UTP25: variants seen among roughly 807,000 people sequenced by gnomAD.
UTP25 encodes U3 small nucleolar RNA-associated protein 25 homolog.
In UTP25, 50 loss-of-function variants were observed where a neutral mutation model predicts 78.9. The observed-to-expected ratio is 0.63, with a 90% CI of 0.50 to 0.80. The LOEUF is 0.80. UTP25 is among the 30% of genes least tolerant of loss of function. The probability of loss-of-function intolerance (pLI) is 0.00; values close to 1 mark genes in which losing one functional copy is unlikely to be tolerated. For synonymous variants in UTP25, 329 were observed against 336.5 expected, an observed-to-expected ratio of 0.98 and a Z score of 0.24; for missense variants, 846 against 911.3, an observed-to-expected ratio of 0.93 and a Z score of 0.92.
chr1:209,851,175 A>C (rs747141793), intron 11 of UTP25, 29 bp from the exon 12 acceptor site: 4 of 1,596,314 alleles, frequency 2.5e-6, no homozygotes, highest in Non-Finnish European at 3.4e-6. Flanking sequence ...TCTCAAGTTG[A>C]CATAGCTCTT....
chr1:209,832,838 G>A (rs574752918), intron 3 of UTP25, among the ~76,000 whole-genome samples: 21 of 152,232 alleles, frequency 1.4e-4, no homozygotes, highest in African/African-American at 4.8e-4. Context: ...GAGCCAAGAT[G>A]ACACCACTGC....
intron 2 of UTP25, 88 bp downstream of exon 2, chr1:209,830,235 A>G: frequency 3.4e-6 from 4 of 1,175,830 alleles, no homozygotes; most frequent in Non-Finnish European, 3.6e-6. Flanking sequence ...TTACATTTCT[A>G]TTCCTTTTGA....
chr1:209,840,711 T>A (rs2078161874), intron 7 of UTP25, 142 bp from the exon 8 acceptor site: 1 of 740,106 alleles, frequency 1.4e-6, no homozygotes, highest in African/African-American at 1.8e-5. Context: ...TTTTAATAAT[T>A]AAAGCAGTTG....
chr1:209,833,547 T>C (rs542307507), intron 4 of UTP25, among the ~76,000 whole-genome samples, 189 bp downstream of exon 4: 1 of 152,132 alleles, frequency 6.6e-6, no homozygotes, highest in Non-Finnish European at 1.5e-5. Flanking sequence ...GACGGGACAT[T>C]TAGGAGAACA....
rs768595749 is a variant in UTP25, at chr1:209,835,173, G to C, written c.651+10G>C. On this transcript the variant is annotated intron_variant, in intron 5 of 11. Transcript: ENST00000491415. ...TACCCACGAGCTTAAAGTAAGTGTTGCTTGGTCATCCCGGTCACAAATAGA... is the reference window on the plus strand; with the variant it reads ...TACCCACGAGCTTAAAGTAAGTGTTCCTTGGTCATCCCGGTCACAAATAGA... The C allele has an allele frequency of 1.2e-6, 2 of 1,611,444 alleles. No individual in the cohort carries two copies. The highest frequency in any genetic ancestry group is 2.2e-5 in the South Asian group (2 of 90,968).
In UTP25 at chr1:209,840,921, T is replaced by TC. The variant is rs769364542; in HGVS notation, c.1357dup (p.Leu453ProfsTer18). On this transcript the variant is annotated frameshift_variant, in exon 8 of 12. Transcript: ENST00000491415. LOFTEE classifies it high-confidence loss of function. ...TTACTCCTCGGATATCCTCATTGCT[T>TC]CCCCCCTGGGCTTGAGGACCATCAT... 6.2e-6 allele frequency: 10 copies of TC among 1,613,778 alleles called. No individual in the cohort carries two copies. Among genetic ancestry groups the TC allele is most frequent in the Non-Finnish European group, 7.6e-6 (9 of 1,179,938 alleles).
rs1475503499 is a variant in UTP25 at position 209,854,363 on chromosome 1, G to C, written c.*2916G>C. The C allele has an allele frequency of 1.3e-5, 2 of 152,200 alleles. No homozygotes were observed. The highest frequency in any genetic ancestry group is 4.8e-5 in the African/African-American group (2 of 41,444). 9.4% of individuals were successfully genotyped at this position (152,200 alleles called of 1,614,324 possible). A position where few individuals can be genotyped will look rare whatever the true frequency, so the allele number is the denominator to read the frequency against. ...CTTTGAATCGTGGATGCTTCTCACA[G>C]CTGGCTGCACCACGTGCAGTGTTCA... is the stretch of plus-strand genomic sequence containing the variant. On this transcript the variant is annotated 3_prime_UTR_variant, in exon 12 of 12. Coordinates refer to ENST00000491415, the MANE Select transcript of UTP25 (RefSeq NM_014388.7).
chr1:209,852,905 C>T lies in UTP25; in HGVS notation c.*1458C>T, dbSNP rs2078249433. The stretch of plus-strand genomic sequence containing the variant: ...ACCAGTACCTCCAATTCTAGTCCAA[C>T]AACACAGGATTGCTTCTCATTTTCT... On this transcript the variant is annotated 3_prime_UTR_variant, in exon 12 of 12. Transcript: ENST00000491415. 1 of 152,208 alleles carries T rather than the reference C, an allele frequency of 6.6e-6. No homozygotes were observed. The highest frequency in any genetic ancestry group is 2.1e-4 in the South Asian group (1 of 4,828). The allele number at this position is 152,208 out of a possible 1,614,324, so 9.4% of individuals were successfully genotyped here.
At chr1:209,832,047 A>C (rs1402290612) in intron 3 of UTP25, among the ~76,000 whole-genome samples, 1 of 151,244 alleles carries the variant, frequency 6.6e-6, no homozygotes, top group African/African-American at 2.4e-5. Context: ...TTAACTGATC[A>C]GTTTTACTGA....
chr1:209,838,750 T>C, intron 6 of UTP25, 159 bp from the exon 7 acceptor site: 2 of 772,986 alleles, frequency 2.6e-6, no homozygotes, highest in South Asian at 3.2e-5. Flanking sequence ...TTTCTGGTGT[T>C]GAGCCAAGCC....
In UTP25 at chr1:209,851,834, T is replaced by G. The variant is rs532944977; in HGVS notation, c.*387T>G. The G allele has an allele frequency of 1.2e-5, 2 of 163,906 alleles. No homozygotes were observed. Among genetic ancestry groups the G allele is most frequent in the East Asian group, 1.8e-4 (1 of 5,612 alleles). 10.2% of individuals were successfully genotyped at this position (163,906 alleles called of 1,614,324 possible). A position where few individuals can be genotyped will look rare whatever the true frequency, so the allele number is the denominator to read the frequency against. ...CTTCCTTAAAGTAAGGAATACACAT[T>G]GCTTGCGAGAACTGGTTATGAGACA... On this transcript the variant is annotated 3_prime_UTR_variant, in exon 12 of 12. Transcript: ENST00000491415.
intron 10 of UTP25, 126 bp from the exon 11 acceptor site, chr1:209,843,325 A>G: frequency 8.7e-7 from 1 of 1,149,560 alleles, no homozygotes; most frequent in Non-Finnish European, 1.2e-6. Flanking sequence ...GAGGAGGTAA[A>G]TCATATTGGC....
rs1238988883 is a variant in UTP25 at position 209,855,210 on chromosome 1, G to A, written c.*3763G>A. ...CCTCCTATGCCACGTGCTCTCACCAGAACTGCAGCAAAACTGCATTTTATG... is the reference window on the plus strand; with the variant it reads ...CCTCCTATGCCACGTGCTCTCACCAAAACTGCAGCAAAACTGCATTTTATG... On this transcript the variant is annotated 3_prime_UTR_variant, in exon 12 of 12. Coordinates refer to ENST00000491415, the MANE Select transcript of UTP25 (RefSeq NM_014388.7). The A allele has an allele frequency of 1.3e-5, 2 of 152,186 alleles. No homozygotes were observed. The highest frequency in any genetic ancestry group is 3.9e-4 in the East Asian group (2 of 5,188). 9.4% of individuals were successfully genotyped at this position (152,186 alleles called of 1,614,324 possible). A position where few individuals can be genotyped will look rare whatever the true frequency, so the allele number is the denominator to read the frequency against.
intron 8 of UTP25, among the ~76,000 whole-genome samples, chr1:209,841,327 A>G (rs189988565): frequency 2.0e-5 from 3 of 152,294 alleles, no homozygotes; most frequent in East Asian, 1.9e-4. Context: ...ATTTCTTTCT[A>G]CTAACTTTAG....
rs1484933763 is a variant in UTP25 at position 209,830,806 on chromosome 1, G to A, written c.151G>A (p.Glu51Lys). The A allele has an allele frequency of 6.2e-7, 1 of 1,613,024 alleles. No homozygotes were observed. Among genetic ancestry groups the A allele is most frequent in the East Asian group, 2.2e-5 (1 of 44,872 alleles). Residue 51 changes from glutamate (E) to lysine (K), a missense_variant, in exon 3 of 12, where the codon GAG becomes AAG. Coordinates refer to ENST00000491415, the MANE Select transcript of UTP25 (RefSeq NM_014388.7). ...EAKPQICQLS[E>K]SSDSSDSESD... ...AAAATTCTCCTTTTCCTTTTAGTCAGAGAGTTCAGATTCTTCAGATTCTGA... is the reference window on the plus strand; with the variant it reads ...AAAATTCTCCTTTTCCTTTTAGTCAAAGAGTTCAGATTCTTCAGATTCTGA...
intron 11 of UTP25, among the ~76,000 whole-genome samples, chr1:209,844,915 G>A (rs1246888717): frequency 6.6e-6 from 1 of 152,114 alleles, no homozygotes; most frequent in Non-Finnish European, 1.5e-5. Context: ...TCACAATAAT[G>A]TCCAGTGGAT....
At chr1:209,843,720 C>T in intron 11 of UTP25, 24 bp downstream of exon 11, 1 of 1,605,944 alleles carries the variant, frequency 6.2e-7, no homozygotes, top group Non-Finnish European at 8.5e-7. Context: ...AGGTTTCAAG[C>T]CTCCTCTCTG....
At position 209,838,917 on chromosome 1, in the gene UTP25, A is replaced by G. The variant is rs1451837699; in HGVS notation, c.1071A>G (p.Ile357Met). ...DQGLTRPKVL[I>M]VVPFREAALR... The stretch of plus-strand genomic sequence containing the variant: ...TGTTGCTGTCTGCACAGGTACTGAT[A>G]GTGGTGCCATTCCGGGAAGCTGCTT... The change falls in exon 7 of 12, where the codon ATA becomes ATG. Residue 357 changes from isoleucine (I) to methionine (M), a missense_variant. Coordinates refer to ENST00000491415, the MANE Select transcript of UTP25 (RefSeq NM_014388.7). 1.2e-6 allele frequency: 2 copies of G among 1,613,932 alleles called. No individual in the cohort carries two copies. The highest frequency in any genetic ancestry group is 4.5e-5 in the East Asian group (2 of 44,892).
Position 209,840,949 on chromosome 1 carries a change from G to A in UTP25, c.1379G>A (p.Gly460Asp), listed in dbSNP as rs755636733. ...CCCCTGGGCTTGAGGACCATCATTG[G>A]TGGAGAAGGAGAGAAGAAGAGAGAT... ...ASPLGLRTIIGGEGEKKRDFD... is the reference protein window; with the variant it reads ...ASPLGLRTIIDGEGEKKRDFD... The change falls in exon 8 of 12, where the codon GGT becomes GAT. Residue 460 changes from glycine to aspartate, a missense_variant. By Grantham distance (94) the Gly-to-Asp change is moderately conservative. Coordinates refer to ENST00000491415, the MANE Select transcript of UTP25 (RefSeq NM_014388.7). 1.9e-6 allele frequency: 3 copies of A among 1,614,090 alleles called. No homozygotes were observed. Among genetic ancestry groups the A allele is most frequent in the Admixed American group, 1.7e-5 (1 of 60,026 alleles).
Sources: allele counts gnomAD v4.1 joint callset (sites outside exome capture counted in the v4.1 genomes callset), GRCh38; gene constraint gnomAD v4.1.1; transcripts MANE v1.5; gene names NCBI Gene and HGNC (gene_info 2026-07-23, HGNC 2026-07-21).